BACE2: variants seen among roughly 807,000 people sequenced by gnomAD.
BACE2 encodes the protein 56 kDa aspartic-like protease.
BACE2 carries 17 observed loss-of-function variants against 46.2 expected under a neutral mutation model. The ratio of observed to expected loss-of-function variants is 0.37; its 90% CI spans 0.25 to 0.55. BACE2 has a LOEUF of 0.55. Ranked by LOEUF, BACE2 falls within the 20% of genes least tolerant of loss-of-function variation. The pLI, the probability that BACE2 is intolerant of heterozygous loss-of-function variation, is 0.82. For missense variants in BACE2, 595 were observed against 698.1 expected (o/e 0.85, Z 1.66); for synonymous variants, 277 against 295.9 (o/e 0.94, Z 0.66).
chr21:41,169,989 T>G (rs957226902), intron 1 of BACE2, among the ~76,000 whole-genome samples: 1 of 152,170 alleles, frequency 6.6e-6, no homozygotes. Flanking sequence ...TATGACAAGA[T>G]ATTGAGGAAG....
chr21:41,241,417 G>C (rs1541103), intron 3 of BACE2, among the ~76,000 whole-genome samples: 1 of 151,834 alleles, frequency 6.6e-6, no homozygotes, highest in South Asian at 2.1e-4. Context: ...GGCAAACAAA[G>C]ATGTCTGCGG....
intron 1 of BACE2, chr21:41,178,221 C>G (rs1367640398): frequency 6.6e-6 from 1 of 152,210 alleles, no homozygotes; most frequent in Non-Finnish European, 1.5e-5. Flanking sequence ...GGGAGAATGT[C>G]CAGTGGAAAC....
chr21:41,239,204 C>A (rs1000336634), intron 3 of BACE2, among the ~76,000 whole-genome samples: 2 of 151,918 alleles, frequency 1.3e-5, no homozygotes, highest in African/African-American at 4.8e-5. Context: ...GTGGGGAGGG[C>A]AAGAGGAAGT....
chr21:41,194,766 A>C (rs755366690), intron 1 of BACE2, among the ~76,000 whole-genome samples: 3 of 152,154 alleles, frequency 2.0e-5, no homozygotes, highest in Non-Finnish European at 4.4e-5. Context: ...AAATATTCTA[A>C]ATGTTTCACC....
intron 8 of BACE2, among the ~76,000 whole-genome samples, chr21:41,267,942 G>C (rs944944554): frequency 6.6e-6 from 1 of 152,130 alleles, no homozygotes; most frequent in African/African-American, 2.4e-5. Flanking sequence ...TAGGGAAAAA[G>C]ACCTGACCAT....
At chr21:41,176,624 C>T (rs986831734) in intron 1 of BACE2, 3 of 152,128 alleles carry the variant, frequency 2.0e-5, no homozygotes, top group Non-Finnish European at 4.4e-5. Flanking sequence ...TAAGTGTTTC[C>T]TTCTCTTTGC....
Position 41,245,971 on chromosome 21 carries a change from G to A in BACE2, c.892G>A (p.Asp298Asn), listed in dbSNP as rs1298758818. ...LNLDCREYNA[D>N]KAIVDSGTTL... ...TCTCTCCCGGTTCAAGTATAACGCA[G>A]ACAAGGCCATCGTGGACAGTGGCAC... is the stretch of plus-strand genomic sequence containing the variant. The change falls in exon 6 of 9, where the codon GAC becomes AAC. Residue 298 changes from aspartate to asparagine, a missense_variant. This residue lies in a region of BACE2 where 343 missense variants were observed against 419.4 expected (regional missense o/e 0.82). Coordinates refer to ENST00000330333, the MANE Select transcript of BACE2 (RefSeq NM_012105.5). 1 of 1,608,954 alleles carries A rather than the reference G, an allele frequency of 6.2e-7. No individual in the cohort carries two copies. Among genetic ancestry groups the A allele is most frequent in the African/African-American group, 1.3e-5 (1 of 74,868 alleles).
intron 1 of BACE2, among the ~76,000 whole-genome samples, chr21:41,218,037 G>A: frequency 6.6e-6 from 1 of 152,212 alleles, no homozygotes. Flanking sequence ...ATGCCAACCA[G>A]TTTGTGGCTG....
chr21:41,196,659 A>C (rs1193423622), intron 1 of BACE2, among the ~76,000 whole-genome samples: 1 of 152,238 alleles, frequency 6.6e-6, no homozygotes, highest in Non-Finnish European at 1.5e-5. Flanking sequence ...CCCAGGACAA[A>C]GGTCTCCAAA....
At position 41,168,422 on chromosome 21, in the gene BACE2, C is replaced by T; in HGVS notation, c.159C>T (p.Ala53=). Residue 53 remains alanine (A), a synonymous_variant, in exon 1 of 9, where the codon GCC becomes GCT. Transcript: ENST00000330333. ...CCACCCCGGGACCCGGGACCCCTGC[C>T]GAGCGCCACGCCGACGGCTTGGCGC... ...VAPTPGPGTP[A]ERHADGLALA... 2 of 1,404,026 alleles carry T rather than the reference C, an allele frequency of 1.4e-6. No homozygotes were observed. The highest frequency in any genetic ancestry group is 3.2e-5 in the South Asian group (2 of 62,822). The allele number at this position is 1,404,026 out of a possible 1,614,324, so 87.0% of individuals were successfully genotyped here.
chr21:41,214,963 G>A (rs994273505), intron 1 of BACE2, among the ~76,000 whole-genome samples: 2 of 152,018 alleles, frequency 1.3e-5, no homozygotes, highest in Non-Finnish European at 2.9e-5. Context: ...GAAGGACTGT[G>A]GGGGGCAAAC....
At chr21:41,213,631 A>G (rs1363588623) in intron 1 of BACE2, among the ~76,000 whole-genome samples, 1 of 152,042 alleles carries the variant, frequency 6.6e-6, no homozygotes, top group Non-Finnish European at 1.5e-5. Context: ...AAAATTAGCC[A>G]GGCTTGGTGG....
chr21:41,187,591 C>CT (rs1439261011), intron 1 of BACE2, among the ~76,000 whole-genome samples: 1 of 152,234 alleles, frequency 6.6e-6, no homozygotes, highest in Non-Finnish European at 1.5e-5. Context: ...GCTCTAGACT[C>CT]TAACTCATGA....
intron 1 of BACE2, among the ~76,000 whole-genome samples, chr21:41,190,996 A>G (rs1214529548): frequency 5.3e-5 from 8 of 152,186 alleles, no homozygotes; most frequent in African/African-American, 1.9e-4. Context: ...TAAGACCTCT[A>G]GACCAACAGA....
intron 2 of BACE2, among the ~76,000 whole-genome samples, chr21:41,234,998 C>T (rs1462871373): frequency 1.3e-5 from 2 of 152,222 alleles, no homozygotes; most frequent in Admixed American, 1.3e-4. Context: ...TATTAAAAGC[C>T]AACCATCTTT....
At position 41,277,340 on chromosome 21, in the gene BACE2, A is replaced by G. The variant is rs2088501908; in HGVS notation, c.*1716A>G. The stretch of plus-strand genomic sequence containing the variant: ...AAGAACCTTCTGTGCTGTTTTCACT[A>G]GAGAAGATTTGAGTTGCAGCCTCTT... On this transcript the variant is annotated 3_prime_UTR_variant, in exon 9 of 9. Transcript: ENST00000330333. 1 of 152,112 alleles carries G rather than the reference A, an allele frequency of 6.6e-6. No homozygotes were observed. The allele number at this position is 152,112 out of a possible 1,614,324, so 9.4% of individuals were successfully genotyped here.
chr21:41,240,937 A>G (rs1987269277), intron 3 of BACE2, among the ~76,000 whole-genome samples: 1 of 152,188 alleles, frequency 6.6e-6, no homozygotes, highest in Non-Finnish European at 1.5e-5. Flanking sequence ...ATGGGCACCC[A>G]GGGGATGCCT....
chr21:41,194,398 T>A (rs1171565749), intron 1 of BACE2, among the ~76,000 whole-genome samples: 1 of 152,156 alleles, frequency 6.6e-6, no homozygotes, highest in African/African-American at 2.4e-5. Flanking sequence ...ATAAAACACC[T>A]TCTCAGCTCG....
In BACE2 at chr21:41,218,180, T is replaced by C. The variant is rs535176900; in HGVS notation, c.313-8086T>C. ...ATGGTTCTAATATAAACAATACAAC[T>C]ATAGAACTTTGTGGCTATGGAAAGA... On this transcript the variant is annotated intron_variant, in intron 1 of 8. Coordinates refer to ENST00000330333, the MANE Select transcript of BACE2 (RefSeq NM_012105.5). Among the ~76,000 whole-genome samples the C allele has an allele frequency of 3.4e-4, 51 of 152,216 alleles. 1 individual carries two copies. The South Asian group carries it at 0.01, about 30-fold the overall frequency.
Sources: gnomAD v4.1 joint callset for allele counts (sites outside exome capture counted in the v4.1 genomes callset) on GRCh38, gnomAD v4.1.1 for gene constraint, gnomAD v4.1.1 regional missense constraint, MANE v1.5 for transcripts, NCBI Gene and HGNC (gene_info 2026-07-23, HGNC 2026-07-21) for gene names.